Variants in GNAQ observed in about 807,000 individuals in gnomAD.
The protein encoded by GNAQ is guanine nucleotide-binding protein G(q) subunit alpha.
A neutral mutation model predicts 43.9 loss-of-function variants in GNAQ; 8 were observed. That is an observed-to-expected ratio of 0.18 (90% CI 0.11 to 0.33). The LOEUF (loss-of-function observed/expected upper bound fraction) is 0.33, where lower values mean the gene tolerates loss of function less well. Ranked by LOEUF, GNAQ falls within the 10% of genes least tolerant of loss-of-function variation. The pLI is 1.00. For synonymous variants in GNAQ, 155 were observed against 170.7 expected (o/e 0.91, Z 0.71); for missense variants, 158 against 450.8 (o/e 0.35, Z 5.88).
intron 2 of GNAQ, among the ~76,000 whole-genome samples, chr9:77,863,423 G>A (rs1003196932): frequency 3.9e-5 from 6 of 152,106 alleles, no homozygotes; most frequent in Admixed American, 1.3e-4. Context: ...CCACCTCAGC[G>A]TGGATTTCAC....
At chr9:77,886,853 G>A (rs1328470960) in intron 2 of GNAQ, among the ~76,000 whole-genome samples, 1 of 151,910 alleles carries the variant, frequency 6.6e-6, no homozygotes. Context: ...GCTCATGGCA[G>A]TAATCCCAGC....
chr9:77,978,667 G>A (rs982530604), intron 1 of GNAQ, among the ~76,000 whole-genome samples: 4 of 152,190 alleles, frequency 2.6e-5, no homozygotes, highest in African/African-American at 9.7e-5. Context: ...AAAGGAAATA[G>A]AACCCTTTAT....
At chr9:77,957,953 G>T (rs1010978208) in intron 1 of GNAQ, among the ~76,000 whole-genome samples, 1 of 152,164 alleles carries the variant, frequency 6.6e-6, no homozygotes, top group Non-Finnish European at 1.5e-5. Context: ...TTAAACGGCA[G>T]GCATTTTTCT....
chr9:77,847,190 C>G (rs891031666), intron 2 of GNAQ, among the ~76,000 whole-genome samples: 1 of 152,182 alleles, frequency 6.6e-6, no homozygotes, highest in Non-Finnish European at 1.5e-5. Flanking sequence ...AAACATCTCT[C>G]GCTCAGCCTT....
At chr9:77,761,869 C>A (rs1826034993) in intron 5 of GNAQ, among the ~76,000 whole-genome samples, 1 of 91,972 alleles carries the variant, frequency 1.1e-5, no homozygotes, top group Admixed American at 9.9e-5. Flanking sequence ...AGCCCCCCGC[C>A]TGGCCAGCCG....
At position 77,920,470 on chromosome 9, in the gene GNAQ, A is replaced by G. The variant is rs1020258273; in HGVS notation, c.321+1691T>C. 1.3e-4 allele frequency among the ~76,000 whole-genome samples: 20 copies of G among 152,180 alleles called. 1 individual carries two copies. On this transcript the variant is annotated intron_variant, in intron 2 of 6. Transcript: ENST00000286548. The stretch of plus-strand genomic sequence containing the variant: ...CATCAGATCATCATATTATTAACTG[A>G]CCGTAAACTGGAAAACTCGCTGGTA...
chr9:77,805,382 C>A (rs1826812093), intron 3 of GNAQ, among the ~76,000 whole-genome samples: 1 of 152,062 alleles, frequency 6.6e-6, no homozygotes, highest in Non-Finnish European at 1.5e-5. Flanking sequence ...TATTAACAGG[C>A]ATTTTGTTCA....
At chr9:77,784,059 AG>A (rs1826438115) in intron 5 of GNAQ, among the ~76,000 whole-genome samples, 2 of 152,232 alleles carry the variant, frequency 1.3e-5, no homozygotes, top group African/African-American at 4.8e-5. Flanking sequence ...TATAAAAATA[AG>A]TCATTGAGGG....
At chr9:78,030,698 G>C in intron 1 of GNAQ, 1 of 382,436 alleles carries the variant, frequency 2.6e-6, no homozygotes, top group South Asian at 2.0e-5. Flanking sequence ...CCACCCCATG[G>C]GGTGCCGCGG....
intron 2 of GNAQ, among the ~76,000 whole-genome samples, chr9:77,896,778 A>T (rs1398413444): frequency 6.6e-6 from 1 of 152,246 alleles, no homozygotes; most frequent in African/African-American, 2.4e-5. Flanking sequence ...GCACTAGCTC[A>T]ATTTTACAAA....
chr9:77,742,771 G>T (rs990050036), intron 5 of GNAQ, among the ~76,000 whole-genome samples: 1 of 152,146 alleles, frequency 6.6e-6, no homozygotes, highest in African/African-American at 2.4e-5. Flanking sequence ...AAGGACTGTG[G>T]GGTGGGATGG....
At chr9:77,969,907 C>A (rs759717210) in intron 1 of GNAQ, among the ~76,000 whole-genome samples, 3 of 152,192 alleles carry the variant, frequency 2.0e-5, no homozygotes, top group Non-Finnish European at 4.4e-5. Context: ...TCTTCATGAG[C>A]AACTTCATGA....
intron 2 of GNAQ, among the ~76,000 whole-genome samples, chr9:77,841,611 GA>G (rs1280593973): frequency 2.6e-5 from 4 of 152,136 alleles, no homozygotes; most frequent in African/African-American, 9.7e-5. Context: ...GAAGCTACAA[GA>G]ATCATTATTA....
intron 1 of GNAQ, among the ~76,000 whole-genome samples, chr9:77,957,702 TAAC>T (rs1823059699): frequency 6.6e-6 from 1 of 152,152 alleles, no homozygotes; most frequent in Non-Finnish European, 1.5e-5. Context: ...CCATCTTATT[TAAC>T]ATCACAGGAT....
intron 1 of GNAQ, among the ~76,000 whole-genome samples, chr9:77,964,864 T>A (rs1346407549): frequency 6.6e-6 from 1 of 152,138 alleles, no homozygotes; most frequent in Non-Finnish European, 1.5e-5. Flanking sequence ...TAACTAATAA[T>A]CTTAAGATAA....
chr9:77,934,258 T>A (rs1299910182), intron 1 of GNAQ, among the ~76,000 whole-genome samples: 2 of 151,696 alleles, frequency 1.3e-5, no homozygotes, highest in African/African-American at 2.4e-5. Context: ...CTCTCCAGCG[T>A]TGGATTTTAT....
In GNAQ at chr9:77,720,789, C is replaced by A. The variant is rs1825298321; in HGVS notation, c.*534G>T. 1 of 233,668 alleles carries A rather than the reference C, an allele frequency of 4.3e-6. No individual in the cohort carries two copies. The highest frequency in any genetic ancestry group is 2.2e-5 in the African/African-American group (1 of 45,430). 14.5% of individuals were successfully genotyped at this position (233,668 alleles called of 1,614,324 possible). ...AACCGTAAGTATTAATACATATAATCCTTCAGCAAAAACTACAAACTTAAA... is the reference window on the plus strand; with the variant it reads ...AACCGTAAGTATTAATACATATAATACTTCAGCAAAAACTACAAACTTAAA... On this transcript the variant is annotated 3_prime_UTR_variant, in exon 7 of 7. Transcript: ENST00000286548.
intron 1 of GNAQ, among the ~76,000 whole-genome samples, chr9:77,924,979 TCTC>T (rs527346121): frequency 1.2e-3 from 181 of 152,012 alleles, no homozygotes; most frequent in African/African-American, 4.1e-3. Context: ...GGGCATTTAT[TCTC>T]CTAGCTTCCT....
At chr9:77,984,631 A>G (rs551972889) in intron 1 of GNAQ, among the ~76,000 whole-genome samples, 2 of 152,212 alleles carry the variant, frequency 1.3e-5, no homozygotes, top group Non-Finnish European at 2.9e-5. Context: ...ACCTTTTTAA[A>G]ACATTCTCTT....
Sources: gnomAD v4.1 joint callset for allele counts (sites outside exome capture counted in the v4.1 genomes callset) on GRCh38, gnomAD v4.1.1 for gene constraint, MANE v1.5 for transcripts, NCBI Gene and HGNC (gene_info 2026-07-23, HGNC 2026-07-21) for gene names.